MTF2: variants seen among roughly 807,000 people sequenced by gnomAD.
The protein encoded by MTF2 is metal-response element-binding transcription factor 2.
MTF2 carries 11 observed loss-of-function variants against 79.5 expected under a neutral mutation model. That is an observed-to-expected ratio of 0.14 (90% CI 0.09 to 0.23). The LOEUF is 0.23. MTF2 is among the 10% of genes least tolerant of loss of function. The probability of loss-of-function intolerance (pLI) is 1.00; values close to 1 mark genes in which losing one functional copy is unlikely to be tolerated. For missense variants in MTF2, 486 were observed against 711.2 expected, an observed-to-expected ratio of 0.68 and a Z score of 3.60; for synonymous variants, 208 against 232.8, an observed-to-expected ratio of 0.89 and a Z score of 0.97.
rs1647460571 is a variant in MTF2 at position 93,137,723 on chromosome 1, TAGTTGC to T, written c.*700_*705del. The T allele has an allele frequency of 6.6e-6, 1 of 152,196 alleles. No individual in the cohort carries two copies. The allele number at this position is 152,196 out of a possible 1,614,324, so 9.4% of individuals were successfully genotyped here. A position where few individuals can be genotyped will look rare whatever the true frequency, so the allele number is the denominator to read the frequency against. On this transcript the variant is annotated 3_prime_UTR_variant, in exon 15 of 15. Transcript: ENST00000370298. ...TATCCCATAATTCTTTTTTCAGGAA[TAGTTGC>T]AGTATTTACACAGCAGCATTTCTTC...
chr1:93,081,094 T>C (rs1056772509), intron 1 of MTF2: 1 of 152,226 alleles, frequency 6.6e-6, no homozygotes, highest in Non-Finnish European at 1.5e-5. Context: ...ACATTTATAA[T>C]GTTAGTGGGT....
At chr1:93,105,143 CAAAAA>C (rs11372021) in intron 1 of MTF2, among the ~76,000 whole-genome samples, 3 of 110,504 alleles carry the variant, frequency 2.7e-5, no homozygotes, top group African/African-American at 3.6e-5. Context: ...GACTCCGTCT[CAAAAA>C]AAAAAAAAAA....
intron 10 of MTF2, 46 bp from the exon 11 acceptor site, chr1:93,129,232 A>T (rs1207737095): frequency 1.4e-6 from 2 of 1,382,738 alleles, no homozygotes; most frequent in Admixed American, 2.1e-5. Context: ...TACTATGTAT[A>T]TGTGTTCAGT....
chr1:93,094,498 A>G (rs2101030644), intron 1 of MTF2, among the ~76,000 whole-genome samples: 1 of 152,230 alleles, frequency 6.6e-6, no homozygotes, highest in Non-Finnish European at 1.5e-5. Flanking sequence ...TTTTTCAATT[A>G]CAGGTTCTAT....
rs1656880118 is a variant in MTF2 at position 93,130,626 on chromosome 1, G to C, written c.1160+1178G>C. On this transcript the variant is annotated intron_variant, in intron 11 of 14. Coordinates refer to ENST00000370298, the MANE Select transcript of MTF2 (RefSeq NM_007358.4). ...TGCTGTTTTGAGAATGGATAGTATA[G>C]AGGTAAGAATAAAAGCAGGAGAAAA... is the stretch of plus-strand genomic sequence containing the variant. Among the ~76,000 whole-genome samples the C allele has an allele frequency of 2.0e-5, 3 of 152,202 alleles. No homozygotes were observed. In the South Asian group the frequency reaches 6.2e-4, roughly 32 times the overall value.
At chr1:93,106,438 G>A (rs12760529) in intron 1 of MTF2, among the ~76,000 whole-genome samples, 151,752 of 152,008 alleles carry the variant, frequency 1, 75,749 homozygotes, top group East Asian at 1. Flanking sequence ...ACCCATGATT[G>A]ATTAATTGTT....
intron 1 of MTF2, among the ~76,000 whole-genome samples, chr1:93,107,156 G>A (rs1232854892): frequency 3.9e-5 from 6 of 152,120 alleles, no homozygotes; most frequent in African/African-American, 1.4e-4. Context: ...TCTTCATTGT[G>A]TACTAACGGT....
chr1:93,083,793 G>A (rs897076269), intron 1 of MTF2, among the ~76,000 whole-genome samples: 3 of 152,174 alleles, frequency 2.0e-5, no homozygotes, highest in African/African-American at 7.2e-5. Context: ...GTATTTCATT[G>A]TGGTTTTGAT....
chr1:93,120,704 A>G (rs1656438055), intron 9 of MTF2, 32 bp downstream of exon 9: 1 of 1,591,264 alleles, frequency 6.3e-7, no homozygotes, highest in Non-Finnish European at 8.5e-7. Context: ...TTCAGTAGCT[A>G]CTTGATGTCT....
intron 5 of MTF2, 35 bp downstream of exon 5, chr1:93,115,123 G>A: frequency 6.9e-7 from 1 of 1,446,674 alleles, no homozygotes; most frequent in Non-Finnish European, 9.7e-7. Flanking sequence ...AAGCTCTGAT[G>A]GAATTTGTAA....
chr1:93,112,046 C>T (rs138981855), intron 3 of MTF2, among the ~76,000 whole-genome samples: 1 of 152,270 alleles, frequency 6.6e-6, no homozygotes, highest in Non-Finnish European at 1.5e-5. Flanking sequence ...ACCAATGTTA[C>T]ATAGAGATAG....
intron 2 of MTF2, 42 bp downstream of exon 2, chr1:93,110,470 C>T: frequency 1.2e-6 from 2 of 1,605,008 alleles, no homozygotes; most frequent in African/African-American, 1.3e-5. Context: ...TTGCAGTAAG[C>T]ATTTAATAAT....
intron 1 of MTF2, among the ~76,000 whole-genome samples, chr1:93,092,730 GAGAA>G (rs1222500396): frequency 1.3e-5 from 2 of 152,186 alleles, no homozygotes; most frequent in East Asian, 1.9e-4. Flanking sequence ...CATGTTAGAT[GAGAA>G]AGAAATTCAT....
chr1:93,114,846 A>G, intron 4 of MTF2, 63 bp downstream of exon 4: 1 of 1,360,422 alleles, frequency 7.4e-7, no homozygotes. Context: ...ATTAATGACT[A>G]AAAATACTTT....
intron 1 of MTF2, among the ~76,000 whole-genome samples, chr1:93,095,213 A>AT (rs1557544021): frequency 1.3e-5 from 2 of 151,920 alleles, no homozygotes; most frequent in African/African-American, 2.4e-5. Flanking sequence ...AATTAAAAAA[A>AT]TTTTTTTTGT....
chr1:93,087,445 A>G lies in MTF2; in HGVS notation c.5+7914A>G, dbSNP rs954498545. ...AAATTAGCCAGGCGTGGTGGCACGC[A>G]CCTGTAATCCCAGCTACTCAGGAGG... On this transcript the variant is annotated intron_variant, in intron 1 of 14. Transcript: ENST00000370298. Among the ~76,000 whole-genome samples the G allele has an allele frequency of 6.6e-5, 10 of 151,932 alleles. No individual in the cohort carries two copies. In the South Asian group the frequency reaches 2.1e-3, roughly 32 times the overall value.
intron 11 of MTF2, among the ~76,000 whole-genome samples, chr1:93,133,381 A>G (rs1647219758): frequency 6.6e-6 from 1 of 152,074 alleles, no homozygotes; most frequent in Admixed American, 6.5e-5. Context: ...GAGTTTTGAA[A>G]TCTTCCATCC....
chr1:93,110,772 C>T (rs1352021574), intron 3 of MTF2, 146 bp downstream of exon 3: 4 of 675,322 alleles, frequency 5.9e-6, no homozygotes, highest in East Asian at 2.7e-5. Flanking sequence ...TCAGCATAGT[C>T]GTTATTATAG....
At chr1:93,086,139 A>G (rs950872687) in intron 1 of MTF2, among the ~76,000 whole-genome samples, 8 of 152,184 alleles carry the variant, frequency 5.3e-5, no homozygotes, top group African/African-American at 1.9e-4. Flanking sequence ...TGTATATGTA[A>G]TCTGTCGTTG....
Sources: allele counts gnomAD v4.1 joint callset (sites outside exome capture counted in the v4.1 genomes callset), GRCh38; gene constraint gnomAD v4.1.1; transcripts MANE v1.5; gene names NCBI Gene and HGNC (gene_info 2026-07-23, HGNC 2026-07-21).